MRPL18: variants seen among roughly 807,000 people sequenced by gnomAD.
MRPL18 encodes the protein mitochondrial ribosomal protein L18.
MRPL18 carries 16 observed loss-of-function variants against 20.9 expected under a neutral mutation model. The observed-to-expected ratio is 0.76, with a 90% CI of 0.52 to 1.16. The LOEUF (loss-of-function observed/expected upper bound fraction) is 1.16. Among genes scored for constraint, MRPL18 ranks in the 50% most tolerant of loss-of-function variants. The pLI is 0.00. For synonymous variants in MRPL18, 91 were observed against 87.1 expected (o/e 1.04, Z -0.25); for missense variants, 233 against 230.6 (o/e 1.01, Z -0.07).
At chr6:159,793,711 C>T (rs573971070) in intron 2 of MRPL18, among the ~76,000 whole-genome samples, 2 of 152,268 alleles carry the variant, frequency 1.3e-5, no homozygotes, top group South Asian at 4.1e-4. Context: ...AGATCAAGAC[C>T]ATCCTGGCTA....
chr6:159,790,837 G>C (rs1270712325), intron 1 of MRPL18, 103 bp from the exon 2 acceptor site: 64 of 1,468,092 alleles, frequency 4.4e-5, no homozygotes, highest in African/African-American at 8.3e-5. Flanking sequence ...GTCCCCTCGG[G>C]CCTAAAGATT....
At chr6:159,797,595 A>G in intron 3 of MRPL18, 77 bp downstream of exon 3, 2 of 1,359,546 alleles carry the variant, frequency 1.5e-6, no homozygotes, top group African/African-American at 1.4e-5. Context: ...TAATAATAAC[A>G]GTTTTTACTT....
chr6:159,795,752 A>G (rs1252880269), intron 2 of MRPL18, among the ~76,000 whole-genome samples: 1 of 152,154 alleles, frequency 6.6e-6, no homozygotes, highest in African/African-American at 2.4e-5. Flanking sequence ...TGTGTAAATT[A>G]GCTCTTTGAA....
At chr6:159,792,878 G>A (rs1489275733) in intron 2 of MRPL18, among the ~76,000 whole-genome samples, 1 of 152,138 alleles carries the variant, frequency 6.6e-6, no homozygotes, top group African/African-American at 2.4e-5. Flanking sequence ...GTATCAGCTG[G>A]CTGCAACCTC....
chr6:159,798,117 T>C lies in MRPL18; in HGVS notation c.537T>C (p.Tyr179=), dbSNP rs764591375. The stretch of plus-strand genomic sequence containing the variant: ...TTCTACGGGAACCTCAGAGAATCTA[T>C]GAATAAATGGAAGCATTAATTGTTT... ...GVVLREPQRI[Y]E is the part of the protein sequence containing the mutation. Residue 179 remains tyrosine (Y), a synonymous_variant, in exon 4 of 4, where the codon TAT becomes TAC. Transcript: ENST00000367034. 1 of 1,611,096 alleles carries C rather than the reference T, an allele frequency of 6.2e-7. No homozygotes were observed. Among genetic ancestry groups the C allele is most frequent in the South Asian group, 1.1e-5 (1 of 90,920 alleles).
At chr6:159,792,906 C>G (rs927452336) in intron 2 of MRPL18, among the ~76,000 whole-genome samples, 1 of 152,180 alleles carries the variant, frequency 6.6e-6, no homozygotes, top group Admixed American at 6.5e-5. Context: ...CAGGCTCAAA[C>G]GATTCTCCCA....
chr6:159,792,956 A>G (rs1196796659), intron 2 of MRPL18, among the ~76,000 whole-genome samples: 2 of 149,414 alleles, frequency 1.3e-5, no homozygotes, highest in South Asian at 2.1e-4. Flanking sequence ...GGCACACACT[A>G]CCATGGCCGG....
chr6:159,793,521 G>A (rs1045116450), intron 2 of MRPL18, among the ~76,000 whole-genome samples: 1 of 152,116 alleles, frequency 6.6e-6, no homozygotes, highest in African/African-American at 2.4e-5. Flanking sequence ...TGGCTGAGTC[G>A]AACAGTTTCA....
chr6:159,790,544 C>T lies in MRPL18; in HGVS notation c.-44C>T, dbSNP rs772016427. ...TGCTCCTGGCGAGCGACTGAGTCGT[C>T]CGTGAGGAAAAAGAGGCGAGGCTTT... On this transcript the variant is annotated 5_prime_UTR_variant, in exon 1 of 4. Coordinates refer to ENST00000367034, the MANE Select transcript of MRPL18 (RefSeq NM_014161.5). 1.8e-5 allele frequency: 29 copies of T among 1,613,880 alleles called. No homozygotes were observed. The East Asian group carries it at 6.2e-4, about 35-fold the overall frequency.
intron 2 of MRPL18, among the ~76,000 whole-genome samples, chr6:159,794,352 T>TG (rs1205450864): frequency 6.6e-6 from 1 of 152,166 alleles, no homozygotes; most frequent in Non-Finnish European, 1.5e-5. Context: ...GTTTTAATCT[T>TG]TTTCAAGTTA....
At chr6:159,790,167 C>A (rs1052805500), upstream of MRPL18, 6 of 235,878 alleles carry the variant, frequency 2.5e-5, no homozygotes, top group East Asian at 6.8e-4. Flanking sequence ...AAGGAGAAAA[C>A]TGCATCTTGC....
intron 2 of MRPL18, among the ~76,000 whole-genome samples, chr6:159,793,131 C>T (rs143613755): frequency 1.9e-3 from 282 of 152,136 alleles, no homozygotes; most frequent in African/African-American, 6.3e-3. Context: ...TCGGCCCCAA[C>T]GCATTACTTT....
In MRPL18 at chr6:159,798,006, G is replaced by A. The variant is rs1282942383; in HGVS notation, c.472-46G>A. ...GTGAAAGTATTTTCAGCCTACTCGT[G>A]CTGCTGACTTAATCTTTTCCTTTTT... On this transcript the variant is annotated intron_variant, in intron 3 of 3. Coordinates refer to ENST00000367034, the MANE Select transcript of MRPL18 (RefSeq NM_014161.5). The A allele has an allele frequency of 3.3e-6, 5 of 1,496,144 alleles. No individual in the cohort carries two copies. In the African/African-American group the frequency reaches 4.2e-5, roughly 12 times the overall value. The allele number at this position is 1,496,144 out of a possible 1,614,324, so 92.7% of individuals were successfully genotyped here.
intron 2 of MRPL18, 93 bp from the exon 3 acceptor site, chr6:159,797,194 G>A: frequency 1.6e-6 from 2 of 1,223,312 alleles, no homozygotes; most frequent in South Asian, 1.4e-5. Context: ...ACACTGGATT[G>A]TTGAAAAATA....
chr6:159,790,355 C>T (rs1317741304), upstream of MRPL18: 5 of 625,474 alleles, frequency 8.0e-6, no homozygotes, highest in African/African-American at 9.3e-5. Flanking sequence ...GGCTCCAGGG[C>T]CTGCGTGCCC....
chr6:159,790,681 G>T (rs762394332), intron 1 of MRPL18, 42 bp downstream of exon 1: 43 of 1,609,910 alleles, frequency 2.7e-5, no homozygotes, highest in Middle Eastern at 1.6e-4. Context: ...ACTCGCCTGG[G>T]CTTGCACAGT....
Position 159,791,068 on chromosome 6 carries a change from G to T in MRPL18, c.181G>T (p.Val61Leu), listed in dbSNP as rs766214937. 9 of 1,614,208 alleles carry T rather than the reference G, an allele frequency of 5.6e-6. No individual in the cohort carries two copies. Among genetic ancestry groups the T allele is most frequent in the Admixed American group, 3.3e-5 (2 of 60,030 alleles). ...CCCCCGGAACCTGGAGCTTTTATCT[G>T]TAGCCAGGAAAGAGCGGGGCTGGCG... ...RNPRNLELLS[V>L]ARKERGWRTV... The change falls in exon 2 of 4, where the codon GTA becomes TTA. Residue 61 changes from valine to leucine, a missense_variant. Val to Leu is a conservative substitution (Grantham distance 32). Transcript: ENST00000367034.
At chr6:159,791,838 G>A (rs541481923) in intron 2 of MRPL18, among the ~76,000 whole-genome samples, 1 of 152,258 alleles carries the variant, frequency 6.6e-6, no homozygotes, top group Admixed American at 6.5e-5. Context: ...CCAGGAGGCG[G>A]AGGTTGCAGT....
chr6:159,794,728 A>G (rs886889646), intron 2 of MRPL18, among the ~76,000 whole-genome samples: 7 of 152,154 alleles, frequency 4.6e-5, no homozygotes, highest in Non-Finnish European at 7.3e-5. Flanking sequence ...TGCTTTGCCT[A>G]TTAAGTTATG....
Sources: allele counts gnomAD v4.1 joint callset (sites outside exome capture counted in the v4.1 genomes callset), GRCh38; gene constraint gnomAD v4.1.1; transcripts MANE v1.5; gene names NCBI Gene and HGNC (gene_info 2026-07-23, HGNC 2026-07-21).